LEPR: variants seen among roughly 807,000 people sequenced by gnomAD.
LEPR encodes the protein leptin receptor.
LEPR carries 56 observed loss-of-function variants against 114.7 expected under a neutral mutation model. That is an observed-to-expected ratio of 0.49 (90% CI 0.39 to 0.61). LEPR has a LOEUF of 0.61. LEPR is among the 20% of genes least tolerant of loss of function. The probability of loss-of-function intolerance (pLI) is 0.00; values close to 1 mark genes in which losing one functional copy is unlikely to be tolerated. For synonymous variants in LEPR, 443 were observed against 461.4 expected (o/e 0.96, Z 0.51); for missense variants, 1,202 against 1,352.9 (o/e 0.89, Z 1.75).
At chr1:65,570,990 TATA>T (rs1229476660) in intron 4 of LEPR, among the ~76,000 whole-genome samples, 188 bp downstream of exon 4, 2 of 152,158 alleles carry the variant, frequency 1.3e-5, no homozygotes, top group Non-Finnish European at 2.9e-5. Flanking sequence ...CCCATAAAAA[TATA>T]ATGAGGGAAT....
rs535612771 is a variant in LEPR at position 65,628,002 on chromosome 1, C to T, written c.2673+5021C>T. ...TTTTGAAGCTGTCATTTTCCTTCCC[C>T]TTGGTTTATATTAAATCTAAATCCT... On this transcript the variant is annotated intron_variant, in intron 19 of 19. Transcript: ENST00000349533. 2.6e-5 allele frequency among the ~76,000 whole-genome samples: 4 copies of T among 152,122 alleles called. No individual in the cohort carries two copies. In the East Asian group the frequency reaches 7.7e-4, roughly 29 times the overall value.
In LEPR at chr1:65,455,280, G is replaced by C. The variant is rs1413137718; in HGVS notation, c.-21+29902G>C. 9.9e-5 allele frequency among the ~76,000 whole-genome samples: 15 copies of C among 152,280 alleles called. No individual in the cohort carries two copies. In the East Asian group the frequency reaches 2.9e-3, roughly 29 times the overall value. On this transcript the variant is annotated intron_variant, in intron 2 of 19. Transcript: ENST00000349533. ...GATCGTCTGAAGCCTTCTTCTCTCA[G>C]CTCGTCGAAGTCATTCTCTGTCCAG...
At chr1:65,489,349 G>C (rs1371219520) in intron 2 of LEPR, among the ~76,000 whole-genome samples, 1 of 152,016 alleles carries the variant, frequency 6.6e-6, no homozygotes, top group Non-Finnish European at 1.5e-5. Context: ...CTTTTGATTT[G>C]CATTACTCTG....
At chr1:65,486,330 T>C (rs1647483821) in intron 2 of LEPR, 1 of 152,138 alleles carries the variant, frequency 6.6e-6, no homozygotes. Flanking sequence ...GTAGGAAATA[T>C]AGTTGGTACT....
chr1:65,613,189 C>T (rs1284081162), intron 14 of LEPR, among the ~76,000 whole-genome samples: 1 of 152,132 alleles, frequency 6.6e-6, no homozygotes. Flanking sequence ...TAATCCAATA[C>T]TACTTTATTT....
chr1:65,457,346 G>A (rs944641983), intron 2 of LEPR, among the ~76,000 whole-genome samples: 3 of 151,812 alleles, frequency 2.0e-5, no homozygotes, highest in Admixed American at 2.0e-4. Flanking sequence ...TTTATATTTT[G>A]TAGTTGTTTC....
chr1:65,565,884 CACACACACATACACAG>C (rs1374046180), intron 3 of LEPR, among the ~76,000 whole-genome samples: 1 of 152,000 alleles, frequency 6.6e-6, no homozygotes, highest in Non-Finnish European at 1.5e-5. Flanking sequence ...CACAGACTCA[CACACACACATACACAG>C]ACACACTCAT....
chr1:65,553,525 A>T (rs1235800317), intron 2 of LEPR, among the ~76,000 whole-genome samples: 1 of 151,938 alleles, frequency 6.6e-6, no homozygotes, highest in Admixed American at 6.6e-5. Flanking sequence ...ATACCTGTGT[A>T]TGCTTTACAA....
chr1:65,437,369 C>T (rs919952348), intron 2 of LEPR, among the ~76,000 whole-genome samples: 2 of 152,098 alleles, frequency 1.3e-5, no homozygotes, highest in South Asian at 2.1e-4. Flanking sequence ...CTGCTGGAAA[C>T]ATGCAAATGT....
intron 2 of LEPR, chr1:65,435,234 G>A (rs2100249679): frequency 3.0e-6 from 3 of 985,278 alleles, no homozygotes; most frequent in African/African-American, 3.5e-5. Context: ...CTGTCCTAAG[G>A]AAGTCCTTAC....
At chr1:65,525,055 C>T (rs1056435578) in intron 2 of LEPR, among the ~76,000 whole-genome samples, 6 of 152,254 alleles carry the variant, frequency 3.9e-5, no homozygotes, top group Admixed American at 3.3e-4. Context: ...TAGCTCAATC[C>T]CCTCCAAACA....
At chr1:65,497,544 A>G (rs1648228459) in intron 2 of LEPR, among the ~76,000 whole-genome samples, 2 of 152,142 alleles carry the variant, frequency 1.3e-5, no homozygotes, top group African/African-American at 4.8e-5. Context: ...CAACTGAAAG[A>G]TTGATGAAAG....
chr1:65,428,996 A>G (rs1292719283), intron 2 of LEPR, among the ~76,000 whole-genome samples: 3 of 152,126 alleles, frequency 2.0e-5, no homozygotes, highest in Non-Finnish European at 4.4e-5. Context: ...CTTAAAATTT[A>G]TTTATTATTT....
chr1:65,488,210 T>TTC (rs796597694), intron 2 of LEPR, among the ~76,000 whole-genome samples: 20 of 25,872 alleles, frequency 7.7e-4, no homozygotes, highest in African/African-American at 2.7e-3. Context: ...CTTTCTTTCT[T>TTC]TCTCTCTCTC....
intron 2 of LEPR, chr1:65,434,744 G>T: frequency 3.0e-6 from 3 of 985,284 alleles, no homozygotes; most frequent in Non-Finnish European, 3.6e-6. Flanking sequence ...TACACTCCTG[G>T]GAGTTTTGTT....
At position 65,633,036 on chromosome 1, in the gene LEPR, C is replaced by CA; in HGVS notation, c.2674-3150dup. On this transcript the variant is annotated intron_variant, in intron 19 of 19. Transcript: ENST00000349533. The surrounding 1 kb of genome is among the most constrained non-coding windows in gnomAD (Gnocchi z 4.1). ...AAGGATGCATTATTGTAACCTAACACAAAAATTTATAGTCCAGAACCCATG... is the reference window on the plus strand; with the variant it reads ...AAGGATGCATTATTGTAACCTAACACAAAAAATTTATAGTCCAGAACCCATG... 1.2e-6 allele frequency: 1 copy of CA among 858,328 alleles called. No homozygotes were observed. 53.2% of individuals were successfully genotyped at this position (858,328 alleles called of 1,614,324 possible). A position where few individuals can be genotyped will look rare whatever the true frequency, so the allele number is the denominator to read the frequency against.
At chr1:65,528,990 T>C (rs1437404873) in intron 2 of LEPR, among the ~76,000 whole-genome samples, 2 of 149,924 alleles carry the variant, frequency 1.3e-5, no homozygotes, top group African/African-American at 4.9e-5. Flanking sequence ...TTTTTTTGTA[T>C]TTTTAGTAGA....
intron 3 of LEPR, among the ~76,000 whole-genome samples, chr1:65,567,503 A>G (rs1202186122): frequency 6.6e-6 from 1 of 152,138 alleles, no homozygotes; most frequent in Non-Finnish European, 1.5e-5. Context: ...ACTTTTGGTA[A>G]TGTTGTGATA....
At chr1:65,527,953 C>T (rs548047896) in intron 2 of LEPR, among the ~76,000 whole-genome samples, 1 of 152,152 alleles carries the variant, frequency 6.6e-6, no homozygotes, top group African/African-American at 2.4e-5. Context: ...TCACGGTCCA[C>T]AGCCAACTCA....
Sources: allele counts gnomAD v4.1 joint callset (sites outside exome capture counted in the v4.1 genomes callset), GRCh38; gene constraint gnomAD v4.1.1; non-coding constraint Gnocchi (gnomAD v3.1); transcripts MANE v1.5; gene names NCBI Gene and HGNC (gene_info 2026-07-23, HGNC 2026-07-21).